The following TRPV5 variants were observed in gnomAD, a reference collection of about 807,000 sequenced individuals.
TRPV5 encodes the protein calcium transport protein 2.
In TRPV5, 66 loss-of-function variants were observed where a neutral mutation model predicts 74.1. That is an observed-to-expected ratio of 0.89 (90% confidence interval 0.73 to 1.09). TRPV5 has a LOEUF of 1.09. Among genes scored for constraint, TRPV5 ranks in the 50% least tolerant of loss-of-function variants. TRPV5 has a pLI of 0.00. For synonymous variants in TRPV5, 399 were observed against 360.7 expected, an observed-to-expected ratio of 1.11 and a Z score of -1.20; for missense variants, 936 against 930.4, an observed-to-expected ratio of 1.01 and a Z score of -0.08.
At chr7:142,914,263 A>G (rs1293198170) in intron 12 of TRPV5, among the ~76,000 whole-genome samples, 6 of 152,224 alleles carry the variant, frequency 3.9e-5, no homozygotes, top group Admixed American at 6.5e-5. Flanking sequence ...AGGAGAGTTA[A>G]GCATGGCACT....
chr7:142,913,699 T>G (rs1461920544), intron 12 of TRPV5, among the ~76,000 whole-genome samples: 1 of 152,184 alleles, frequency 6.6e-6, no homozygotes, highest in Non-Finnish European at 1.5e-5. Flanking sequence ...TTGTTTTTTG[T>G]TTTGGTCTGT....
chr7:142,924,288 A>C (rs1453219612), intron 8 of TRPV5, among the ~76,000 whole-genome samples: 1 of 96,960 alleles, frequency 1.0e-5, no homozygotes, highest in African/African-American at 3.7e-5. Flanking sequence ...ATACATATAC[A>C]TGTATATATA....
intron 13 of TRPV5, among the ~76,000 whole-genome samples, chr7:142,910,967 C>T (rs1239621097): frequency 6.6e-6 from 1 of 152,148 alleles, no homozygotes; most frequent in African/African-American, 2.4e-5. Context: ...TTGGTCTTTC[C>T]TTAGATTCAA....
chr7:142,925,198 A>G, intron 8 of TRPV5: 2 of 524,252 alleles, frequency 3.8e-6, no homozygotes, highest in South Asian at 2.8e-5. Context: ...CCTCCTTTTG[A>G]GCAATAGAGT....
chr7:142,912,345 A>G (rs1295481695), intron 13 of TRPV5, 137 bp downstream of exon 13: 10 of 1,158,638 alleles, frequency 8.6e-6, no homozygotes, highest in Non-Finnish European at 1.2e-5. Context: ...CCTCAGGTTT[A>G]CACAAACCTC....
chr7:142,928,496 C>T (rs922914964), intron 6 of TRPV5, among the ~76,000 whole-genome samples, 195 bp downstream of exon 6: 12 of 152,194 alleles, frequency 7.9e-5, no homozygotes, highest in African/African-American at 2.2e-4. Flanking sequence ...GTTCTCAAAT[C>T]CTCTTGAGTC....
At chr7:142,909,384 C>G (rs1795669594) in intron 14 of TRPV5, 106 bp downstream of exon 14, 5 of 1,198,782 alleles carry the variant, frequency 4.2e-6, no homozygotes, top group Non-Finnish European at 5.9e-6. Flanking sequence ...AGCTCCAGCC[C>G]CCTCCCCTAG....
At position 142,928,099 on chromosome 7, in the gene TRPV5, C is replaced by A; in HGVS notation, c.898G>T (p.Asp300Tyr). 1 of 1,614,178 alleles carries A rather than the reference C, an allele frequency of 6.2e-7. No homozygotes were observed. The highest frequency in any genetic ancestry group is 8.5e-7 in the Non-Finnish European group (1 of 1,180,040). The change falls in exon 7 of 15, where the codon GAT becomes TAT. Residue 300 changes from aspartate to tyrosine, a missense_variant. Physicochemically the swap from Asp to Tyr is radical, Grantham distance 160. Coordinates refer to ENST00000265310, the MANE Select transcript of TRPV5 (RefSeq NM_019841.7). Reference protein sequence around the residue: ...LSFLELVVSSDKREARQILEQ... With the variant: ...LSFLELVVSSYKREARQILEQ... ...CTTGGCATCCATACCTCTCGTTTATCAGAGGAGACCACAAGCTCCAGGAAG... is the reference window on the plus strand; with the variant it reads ...CTTGGCATCCATACCTCTCGTTTATAAGAGGAGACCACAAGCTCCAGGAAG...
In TRPV5 at chr7:142,914,855, G is replaced by A. The variant is rs4252490; in HGVS notation, c.1452+26C>T. 6,887 of 1,613,128 alleles carry A rather than the reference G, an allele frequency of 4.3e-3. 224 individuals are homozygous for A. In the African/African-American group the frequency reaches 0.075, roughly 18 times the overall value. ...TCTGTGAAGGTCTTGTGCCTGAGGC[G>A]GAGGAAGCTTCGGGAAAGCACTGAC... On this transcript the variant is annotated intron_variant, in intron 11 of 14. Transcript: ENST00000265310.
chr7:142,917,418 T>A (rs1333573588), intron 8 of TRPV5, among the ~76,000 whole-genome samples: 1 of 152,168 alleles, frequency 6.6e-6, no homozygotes, highest in Non-Finnish European at 1.5e-5. Flanking sequence ...ATGCTACCAA[T>A]CTTTTCTTGG....
At chr7:142,933,300 G>A (rs756560770) in intron 1 of TRPV5, 32 bp downstream of exon 1, 6 of 1,609,984 alleles carry the variant, frequency 3.7e-6, no homozygotes, top group South Asian at 1.1e-5. Context: ...GGATCACGGC[G>A]GTAGGGCCAC....
chr7:142,916,395 T>C (rs74627461), intron 8 of TRPV5, among the ~76,000 whole-genome samples: 3,069 of 152,328 alleles, frequency 0.02, 112 homozygotes, highest in African/African-American at 0.07. Flanking sequence ...ACAGATGTAG[T>C]GCTAGAATCC....
In TRPV5 at chr7:142,912,670, A is replaced by G; in HGVS notation, c.1600T>C (p.Phe534Leu). 6.2e-7 allele frequency: 1 copy of G among 1,614,266 alleles called. No individual in the cohort carries two copies. Among genetic ancestry groups the G allele is most frequent in the Non-Finnish European group, 8.5e-7 (1 of 1,180,046 alleles). Residue 534 changes from phenylalanine to leucine, a missense_variant, in exon 13 of 15, where the codon TTT becomes CTT. Transcript: ENST00000265310. Reference protein sequence around the residue: ...YDYPMALFTTFELFLTVIDAP... With the variant: ...YDYPMALFTTLELFLTVIDAP... Reference sequence around the variant, plus strand: ...TCAATAACAGTGAGAAAAAGCTCAAAGGTGGTGAACAGTGCCATGGGGTAG... The same window carrying G: ...TCAATAACAGTGAGAAAAAGCTCAAGGGTGGTGAACAGTGCCATGGGGTAG...
intron 1 of TRPV5, 112 bp downstream of exon 1, chr7:142,933,220 A>G: frequency 7.2e-7 from 1 of 1,382,606 alleles, no homozygotes; most frequent in Non-Finnish European, 9.9e-7. Context: ...TGTCTGAGTG[A>G]CTGGCACTGA....
intron 14 of TRPV5, among the ~76,000 whole-genome samples, chr7:142,909,259 A>C (rs920866838): frequency 2.0e-5 from 3 of 152,174 alleles, no homozygotes; most frequent in Non-Finnish European, 4.4e-5. Context: ...GCTCAGAACA[A>C]GGTTACAGCA....
At position 142,924,345 on chromosome 7, in the gene TRPV5, T is replaced by TAC. The variant is rs1795942769; in HGVS notation, c.1122+1183_1122+1184insGT. On this transcript the variant is annotated intron_variant, in intron 8 of 14. Coordinates refer to ENST00000265310, the MANE Select transcript of TRPV5 (RefSeq NM_019841.7). ...ATACATGTATATATATACATATATA[T>TAC]ATATATAGACATATACATGTATATA... 3.7e-4 allele frequency among the ~76,000 whole-genome samples: 4 copies of TAC among 10,902 alleles called. 1 individual carries two copies. The highest frequency in any genetic ancestry group is 7.3e-4 in the African/African-American group (4 of 5,462). The allele number at this position is 10,902 out of a possible 152,430, so 7.2% of individuals were successfully genotyped here. A position where few individuals can be genotyped will look rare whatever the true frequency, so the allele number is the denominator to read the frequency against.
chr7:142,924,312 ACACACATATACATG>A lies in TRPV5; in HGVS notation c.1122+1203_1122+1216del, dbSNP rs1795940119. On this transcript the variant is annotated intron_variant, in intron 8 of 14. Transcript: ENST00000265310. ...CATGTATATATATACATATATATAT[ACACACATATACATG>A]TATATATATACATATATATATATAT... 2.7e-3 allele frequency among the ~76,000 whole-genome samples: 25 copies of A among 9,180 alleles called. 2 individuals carry two copies. Among genetic ancestry groups the A allele is most frequent in the South Asian group, 5.9e-3 (3 of 506 alleles). The allele number at this position is 9,180 out of a possible 152,430, so 6.0% of individuals were successfully genotyped here. A position where few individuals can be genotyped will look rare whatever the true frequency, so the allele number is the denominator to read the frequency against.
chr7:142,933,218 T>G, intron 1 of TRPV5, 114 bp downstream of exon 1: 1 of 1,369,968 alleles, frequency 7.3e-7, no homozygotes, highest in Non-Finnish European at 1.0e-6. Flanking sequence ...TATGTCTGAG[T>G]GACTGGCACT....
In TRPV5 at chr7:142,915,669, A is replaced by T. The variant is rs553564359; in HGVS notation, c.1123-101T>A. The T allele has an allele frequency of 4.4e-6, 5 of 1,147,828 alleles. No individual in the cohort carries two copies. In the African/African-American group the frequency reaches 6.2e-5, roughly 14 times the overall value. 71.1% of individuals were successfully genotyped at this position (1,147,828 alleles called of 1,614,324 possible). A position where few individuals can be genotyped will look rare whatever the true frequency, so the allele number is the denominator to read the frequency against. ...CTAAAGCCCATCCAAAATAAAGGAA[A>T]CTCCCCTTCCCACCAGCATCACCCC... On this transcript the variant is annotated intron_variant, in intron 8 of 14. Transcript: ENST00000265310.
Sources: allele counts gnomAD v4.1 joint callset (sites outside exome capture counted in the v4.1 genomes callset), GRCh38; gene constraint gnomAD v4.1.1; transcripts MANE v1.5; gene names NCBI Gene and HGNC (gene_info 2026-07-23, HGNC 2026-07-21).